PLEKHG1: variants seen among roughly 807,000 people sequenced by gnomAD.
The protein encoded by PLEKHG1 is pleckstrin homology and RhoGEF domain containing G1.
In PLEKHG1, 44 loss-of-function variants were observed where a neutral mutation model predicts 100.8. The observed-to-expected ratio is 0.44, with a 90% CI of 0.34 to 0.56. PLEKHG1 has a LOEUF of 0.56. Among genes scored for constraint, PLEKHG1 ranks in the 20% least tolerant of loss-of-function variants. The pLI is 0.01. For missense variants in PLEKHG1, 1,545 were observed against 1,720.9 expected (o/e 0.90, Z 1.81); for synonymous variants, 640 against 662.5 (o/e 0.97, Z 0.52).
At chr6:150,804,186 T>A (rs1241381998) in intron 6 of PLEKHG1, among the ~76,000 whole-genome samples, 9 of 91,618 alleles carry the variant, frequency 9.8e-5, no homozygotes, top group East Asian at 4.0e-4. Context: ...TTTTTTTTTT[T>A]TTTTTTTTTT....
intron 3 of PLEKHG1, among the ~76,000 whole-genome samples, chr6:150,779,344 G>GTTTGTTTTTTTTTT (rs1257363893): frequency 0.043 from 4,464 of 103,574 alleles, 406 homozygotes; most frequent in African/African-American, 0.061. Context: ...TTGTCAAGAA[G>GTTTGTTTTTTTTTT]TTTTTTTTTT....
At chr6:150,825,916 C>T (rs952107690) in intron 14 of PLEKHG1, among the ~76,000 whole-genome samples, 2 of 152,184 alleles carry the variant, frequency 1.3e-5, no homozygotes, top group Admixed American at 6.5e-5. Flanking sequence ...TGGTGGCTCA[C>T]GCCTGTAATC....
chr6:150,714,887 C>A (rs1337505083), intron 3 of PLEKHG1, among the ~76,000 whole-genome samples: 2 of 151,772 alleles, frequency 1.3e-5, no homozygotes, highest in Non-Finnish European at 2.9e-5. Context: ...CAGCTCACTG[C>A]AACCTCCACC....
At position 150,786,377 on chromosome 6, in the gene PLEKHG1, A is replaced by AT. The variant is rs1254333428; in HGVS notation, c.513-6dup. The AT allele has an allele frequency of 1.7e-5, 27 of 1,584,510 alleles. No individual in the cohort carries two copies. Among genetic ancestry groups the AT allele is most frequent in the African/African-American group, 2.7e-5 (2 of 74,278 alleles). ...TACAATCTAATACTTCCTGGCTGTT[A>AT]TTTTTTTATTAGTGAACTTCTGCAA... On this transcript the variant is annotated splice_polypyrimidine_tract_variant and intron_variant, in intron 3 of 15. Transcript: ENST00000358517.
At chr6:150,794,877 T>TA (rs898661401) in intron 4 of PLEKHG1, among the ~76,000 whole-genome samples, 14 of 151,744 alleles carry the variant, frequency 9.2e-5, no homozygotes, top group East Asian at 1.9e-4. Context: ...CTTTCCATTT[T>TA]AAAAAAAAGT....
chr6:150,634,119 C>CT (rs1418817275), intron 1 of PLEKHG1, among the ~76,000 whole-genome samples: 1 of 151,784 alleles, frequency 6.6e-6, no homozygotes, highest in Admixed American at 6.6e-5. Context: ...TGGCAGGTGC[C>CT]TGTAATCCCA....
At chr6:150,714,188 G>A (rs1318625244) in intron 3 of PLEKHG1, among the ~76,000 whole-genome samples, 4 of 152,216 alleles carry the variant, frequency 2.6e-5, no homozygotes. Context: ...CCAGTCCTCC[G>A]ATGGTGTCCT....
At chr6:150,722,349 C>CTTTTTTTT (rs139069069) in intron 1 of PLEKHG1, among the ~76,000 whole-genome samples, 5 of 90,658 alleles carry the variant, frequency 5.5e-5, no homozygotes, top group South Asian at 3.6e-4. Context: ...TTTTTCTTTT[C>CTTTTTTTT]TTTTTTTTTT....
At position 150,729,292 on chromosome 6, in the gene PLEKHG1, G is replaced by C. The variant is rs192152650; in HGVS notation, c.-98-4292G>C. On this transcript the variant is annotated intron_variant, in intron 1 of 15. Coordinates refer to ENST00000358517, the Ensembl canonical transcript of PLEKHG1. ...GCCCAGGCTAGTCTCGAACTCCTGA[G>C]CTCAAGTGATCCGCCTGCCTCAGCC... Among the ~76,000 whole-genome samples the C allele has an allele frequency of 2.8e-3, 420 of 152,278 alleles. 2 individuals are homozygous for C. The highest frequency in any genetic ancestry group is 4.4e-3 in the Non-Finnish European group (299 of 68,010).
chr6:150,804,480 C>T, intron 6 of PLEKHG1, 130 bp from the exon 8 acceptor site: 1 of 725,136 alleles, frequency 1.4e-6, no homozygotes, highest in Non-Finnish European at 2.1e-6. Context: ...CCACCGCACC[C>T]AGCTGATAGT....
At chr6:150,609,907 C>G (rs147432033) in intron 1 of PLEKHG1, among the ~76,000 whole-genome samples, 23 of 152,268 alleles carry the variant, frequency 1.5e-4, no homozygotes, top group African/African-American at 5.5e-4. Context: ...CCCACCTGTT[C>G]ACGGTCGCCG....
chr6:150,686,022 C>T (rs1780117695), intron 3 of PLEKHG1, among the ~76,000 whole-genome samples: 1 of 152,242 alleles, frequency 6.6e-6, no homozygotes, highest in Non-Finnish European at 1.5e-5. Flanking sequence ...GATTCTAGAA[C>T]TTTCTAGAGC....
At chr6:150,664,420 C>T (rs1779321912) in intron 3 of PLEKHG1, 1 of 152,160 alleles carries the variant, frequency 6.6e-6, no homozygotes, top group Non-Finnish European at 1.5e-5. Context: ...AAGTGGTTAC[C>T]TTGGGGAGAA....
intron 3 of PLEKHG1, among the ~76,000 whole-genome samples, chr6:150,668,370 T>A (rs1779479974): frequency 6.6e-6 from 1 of 152,236 alleles, no homozygotes; most frequent in African/African-American, 2.4e-5. Flanking sequence ...AAAAAAGGAA[T>A]GATGGTTTTC....
intron 3 of PLEKHG1, among the ~76,000 whole-genome samples, chr6:150,681,874 G>C (rs186118602): frequency 6.6e-6 from 1 of 152,152 alleles, no homozygotes; most frequent in Non-Finnish European, 1.5e-5. Flanking sequence ...ATTTGCAGCC[G>C]CTGATGAAGT....
intron 3 of PLEKHG1, among the ~76,000 whole-genome samples, chr6:150,677,304 G>A (rs9480525): frequency 0.26 from 29,043 of 113,716 alleles, 2,844 homozygotes; most frequent in South Asian, 0.33. Flanking sequence ...ACACACACAC[G>A]CGCGCGCGCA....
chr6:150,604,572 T>TC (rs1776505700), intron 1 of PLEKHG1, among the ~76,000 whole-genome samples: 1 of 152,242 alleles, frequency 6.6e-6, no homozygotes, highest in Admixed American at 6.5e-5. Flanking sequence ...GTAGTGTCCT[T>TC]CCGTATTTTC....
chr6:150,788,220 C>T (rs1054620400), intron 4 of PLEKHG1, among the ~76,000 whole-genome samples: 8 of 152,254 alleles, frequency 5.3e-5, no homozygotes, highest in African/African-American at 1.2e-4. Context: ...TCTGCACTTT[C>T]GCATGGAAAC....
At chr6:150,622,389 T>C (rs1777336558) in intron 1 of PLEKHG1, among the ~76,000 whole-genome samples, 1 of 152,120 alleles carries the variant, frequency 6.6e-6, no homozygotes, top group Non-Finnish European at 1.5e-5. Flanking sequence ...AGGCTGTGTT[T>C]TAGTGTGTGG....
Sources: gnomAD v4.1 joint callset for allele counts (sites outside exome capture counted in the v4.1 genomes callset) on GRCh38, gnomAD v4.1.1 for gene constraint, MANE v1.5 for transcripts, NCBI Gene and HGNC (gene_info 2026-07-23, HGNC 2026-07-21) for gene names.